TMEM266: variants seen among roughly 807,000 people sequenced by gnomAD.
The protein encoded by TMEM266 is Hv1 related protein 1.
Under a neutral mutation model 50.5 loss-of-function variants are expected in TMEM266, and 33 were observed. That is an observed-to-expected ratio of 0.65 (90% CI 0.50 to 0.87). TMEM266 has a LOEUF of 0.87. TMEM266 is among the 40% of genes least tolerant of loss of function. The pLI is 0.00. For synonymous variants in TMEM266, 310 were observed against 292.3 expected, an observed-to-expected ratio of 1.06 and a Z score of -0.62; for missense variants, 655 against 695.1, an observed-to-expected ratio of 0.94 and a Z score of 0.65.
intron 8 of TMEM266, 67 bp downstream of exon 8, chr15:76,175,741 T>C: frequency 7.4e-7 from 1 of 1,342,344 alleles, no homozygotes; most frequent in Non-Finnish European, 1.1e-6. Context: ...CCTAAAGCCA[T>C]GGGTTGCTAG....
chr15:76,073,643 T>A (rs2036567995), intron 1 of TMEM266, among the ~76,000 whole-genome samples: 1 of 152,238 alleles, frequency 6.6e-6, no homozygotes, highest in African/African-American at 2.4e-5. Flanking sequence ...GTTGGAAAAG[T>A]CAAGCATAGA....
intron 3 of TMEM266, among the ~76,000 whole-genome samples, 188 bp downstream of exon 3, chr15:76,138,083 G>A (rs534467668): frequency 6.6e-6 from 1 of 152,192 alleles, no homozygotes; most frequent in South Asian, 2.1e-4. Context: ...TTAGCCGAGT[G>A]TGGTGGTGCA....
intron 5 of TMEM266, 114 bp from the exon 6 acceptor site, chr15:76,169,702 G>C: frequency 8.3e-7 from 1 of 1,203,768 alleles, no homozygotes; most frequent in Non-Finnish European, 1.2e-6. Context: ...GTGGATGGCG[G>C]AGACCTTTTC....
chr15:76,105,024 C>T (rs1303167960), intron 1 of TMEM266, among the ~76,000 whole-genome samples: 1 of 152,072 alleles, frequency 6.6e-6, no homozygotes, highest in Non-Finnish European at 1.5e-5. Flanking sequence ...ACAACCTGTC[C>T]TTAAAATAGA....
At chr15:76,109,712 T>C (rs2037138589) in intron 1 of TMEM266, among the ~76,000 whole-genome samples, 1 of 102,480 alleles carries the variant, frequency 9.8e-6, no homozygotes, top group East Asian at 2.8e-4. Context: ...CTTTCTTTTC[T>C]TTTTTTTTTT....
intron 3 of TMEM266, among the ~76,000 whole-genome samples, chr15:76,143,639 A>C (rs2037714755): frequency 6.6e-6 from 1 of 152,164 alleles, no homozygotes; most frequent in Non-Finnish European, 1.5e-5. Context: ...TACAGGCATG[A>C]GCCACCGTGC....
intron 9 of TMEM266, among the ~76,000 whole-genome samples, chr15:76,199,392 C>G (rs1208267341): frequency 6.6e-6 from 1 of 152,214 alleles, no homozygotes. Context: ...TAGACTGAGC[C>G]AGGACTCAGG....
Position 76,079,404 on chromosome 15 carries a change from C to T in TMEM266, c.-97+19388C>T, listed in dbSNP as rs531649647. On this transcript the variant is annotated intron_variant, in intron 1 of 10. Coordinates refer to ENST00000388942, the MANE Select transcript of TMEM266 (RefSeq NM_152335.3). Reference sequence around the variant, plus strand: ...GGCAGGTCTCCCGGTTACTCTTCTTCCTTATAAGGACACTTGTCATTGGAT... The same window carrying T: ...GGCAGGTCTCCCGGTTACTCTTCTTTCTTATAAGGACACTTGTCATTGGAT... 1.2e-4 allele frequency among the ~76,000 whole-genome samples: 18 copies of T among 147,814 alleles called. No homozygotes were observed. The South Asian group carries it at 4.0e-3, about 33-fold the overall frequency.
chr15:76,138,315 A>G (rs971557682), intron 3 of TMEM266, among the ~76,000 whole-genome samples: 2 of 151,758 alleles, frequency 1.3e-5, no homozygotes, highest in African/African-American at 4.8e-5. Flanking sequence ...CTAACTAGTG[A>G]GACAGCAGAG....
At position 76,132,813 on chromosome 15, in the gene TMEM266, A is replaced by AATAATTATT. The variant is rs748559421; in HGVS notation, c.-96-1353_-96-1352insAATTATTAT. 3.0e-5 allele frequency among the ~76,000 whole-genome samples: 4 copies of AATAATTATT among 135,022 alleles called. 1 individual carries two copies. The highest frequency in any genetic ancestry group is 3.9e-3 in the Middle Eastern group (1 of 258). 88.6% of individuals were successfully genotyped at this position (135,022 alleles called of 152,430 possible). A position where few individuals can be genotyped will look rare whatever the true frequency, so the allele number is the denominator to read the frequency against. On this transcript the variant is annotated intron_variant, in intron 1 of 10. Coordinates refer to ENST00000388942, the MANE Select transcript of TMEM266 (RefSeq NM_152335.3). ...CTGTCTCTCAAATAATAATAATAGT[A>AATAATTATT]ATTATTATTATTATTATTATTATTA... is the stretch of plus-strand genomic sequence containing the variant.
At chr15:76,065,073 T>C (rs1391615312) in intron 1 of TMEM266, among the ~76,000 whole-genome samples, 1 of 152,246 alleles carries the variant, frequency 6.6e-6, no homozygotes, top group East Asian at 1.9e-4. Flanking sequence ...CTATGACAGT[T>C]ACTAATTCTC....
intron 7 of TMEM266, among the ~76,000 whole-genome samples, chr15:76,173,830 G>A (rs1166078666): frequency 6.6e-6 from 1 of 152,014 alleles, no homozygotes; most frequent in Non-Finnish European, 1.5e-5. Flanking sequence ...CTACTGGGGA[G>A]GCTGAGGCAT....
At chr15:76,166,953 T>TA (rs1172286659) in intron 5 of TMEM266, among the ~76,000 whole-genome samples, 1 of 152,174 alleles carries the variant, frequency 6.6e-6, no homozygotes, top group Non-Finnish European at 1.5e-5. Flanking sequence ...ATGTGTATTT[T>TA]ACCACCATTT....
rs543014326 is a variant in TMEM266, at chr15:76,075,062, A to G, written c.-97+15046A>G. Among the ~76,000 whole-genome samples the G allele has an allele frequency of 2.0e-3, 300 of 152,260 alleles. 4 individuals are homozygous for G. Among genetic ancestry groups the G allele is most frequent in the African/African-American group, 6.8e-3 (283 of 41,502 alleles). On this transcript the variant is annotated intron_variant, in intron 1 of 10. Transcript: ENST00000388942. ...GGGGGAAATAAAGAGTTCTGTTTCA[A>G]TCATGTTACATTTTACAATCTGTGA... is the stretch of plus-strand genomic sequence containing the variant.
At chr15:76,159,977 A>G in intron 4 of TMEM266, 118 bp from the exon 5 acceptor site, 5 of 932,716 alleles carry the variant, frequency 5.4e-6, no homozygotes, top group Non-Finnish European at 8.5e-6. Flanking sequence ...CACCAGATCT[A>G]AACGTTCATG....
At chr15:76,134,660 G>A (rs954013552) in intron 2 of TMEM266, among the ~76,000 whole-genome samples, 1 of 152,142 alleles carries the variant, frequency 6.6e-6, no homozygotes, top group African/African-American at 2.4e-5. Context: ...CACTTATTTT[G>A]TGTTTTGCAA....
At chr15:76,203,637 C>T in intron 10 of TMEM266, 104 bp from the exon 11 acceptor site, 1 of 1,084,138 alleles carries the variant, frequency 9.2e-7, no homozygotes, top group Non-Finnish European at 1.4e-6. Flanking sequence ...CTCCTACAGC[C>T]TAGCCACACT....
At chr15:76,162,181 C>T (rs147862060) in intron 5 of TMEM266, among the ~76,000 whole-genome samples, 33 of 152,260 alleles carry the variant, frequency 2.2e-4, no homozygotes, top group African/African-American at 7.2e-4. Context: ...AGGGCTGGCT[C>T]CGTTACCTTG....
intron 1 of TMEM266, among the ~76,000 whole-genome samples, chr15:76,091,362 G>A (rs1364728346): frequency 6.6e-6 from 1 of 150,484 alleles, no homozygotes; most frequent in East Asian, 1.9e-4. Flanking sequence ...CAGTTATGCA[G>A]CAGACCCACA....
Sources: allele counts gnomAD v4.1 joint callset (sites outside exome capture counted in the v4.1 genomes callset), GRCh38; gene constraint gnomAD v4.1.1; transcripts MANE v1.5; gene names NCBI Gene and HGNC (gene_info 2026-07-23, HGNC 2026-07-21).